Variants in XPO6 observed in about 807,000 individuals in gnomAD.
The protein encoded by XPO6 is exportin 6.
Under a neutral mutation model 130.0 loss-of-function variants are expected in XPO6, and 3 were observed. The ratio of observed to expected loss-of-function variants is 0.02; its 90% CI spans 0.01 to 0.06. The LOEUF (loss-of-function observed/expected upper bound fraction) is 0.06, where lower values mean the gene tolerates loss of function less well. XPO6 is among the 10% of genes least tolerant of loss of function. The pLI is 1.00. For missense variants in XPO6, 970 were observed against 1,393.0 expected, an observed-to-expected ratio of 0.70 and a Z score of 4.83; for synonymous variants, 524 against 548.9, an observed-to-expected ratio of 0.95 and a Z score of 0.63.
intron 1 of XPO6, among the ~76,000 whole-genome samples, chr16:28,184,458 T>C (rs560728064): frequency 1.3e-5 from 2 of 151,852 alleles, no homozygotes; most frequent in East Asian, 1.9e-4. Context: ...CCACTAACCA[T>C]AAAGGAAAAG....
intron 1 of XPO6, among the ~76,000 whole-genome samples, chr16:28,207,378 C>T (rs1378641911): frequency 2.0e-5 from 3 of 152,054 alleles, no homozygotes; most frequent in African/African-American, 4.8e-5. Flanking sequence ...TATTAAGCAA[C>T]AGCTCGCTCA....
intron 5 of XPO6, chr16:28,167,403 G>A (rs2043373814): frequency 1.0e-6 from 1 of 984,214 alleles, no homozygotes; most frequent in South Asian, 4.7e-5. Context: ...CCAGGCTTCA[G>A]CTCACCCGAC....
At chr16:28,160,052 G>A (rs1038227818) in intron 6 of XPO6, among the ~76,000 whole-genome samples, 1 of 151,562 alleles carries the variant, frequency 6.6e-6, no homozygotes, top group African/African-American at 2.4e-5. Flanking sequence ...GGGCGTGGTG[G>A]TGCGTGCCTA....
At chr16:28,103,737 C>A (rs1429556560) in intron 21 of XPO6, among the ~76,000 whole-genome samples, 1 of 152,080 alleles carries the variant, frequency 6.6e-6, no homozygotes, top group African/African-American at 2.4e-5. Flanking sequence ...AAGGCCAGGG[C>A]AAGGGCACGT....
rs536288606 is a variant in XPO6, at chr16:28,161,535, G to A, written c.643+4973C>T. 6.6e-5 allele frequency among the ~76,000 whole-genome samples: 10 copies of A among 152,104 alleles called. No individual in the cohort carries two copies. The East Asian group carries it at 1.7e-3, about 26-fold the overall frequency. ...GATTTAAAAGCTGTCCCTAGCATGT[G>A]GCTCAGAAGACTTTTTCCAGAATGG... On this transcript the variant is annotated intron_variant, in intron 6 of 23. Transcript: ENST00000304658.
In XPO6 at chr16:28,211,711, C is replaced by T. The variant is rs2044136776; in HGVS notation, c.-343G>A. ...GGGAGGCTGCGGGCCCAGGCAGGGG[C>T]TCCCCGGCCTCCGCGGGCAGAGGTG... On this transcript the variant is annotated 5_prime_UTR_variant, in exon 1 of 24. Coordinates refer to ENST00000304658, the MANE Select transcript of XPO6 (RefSeq NM_015171.4). 2.6e-6 allele frequency: 1 copy of T among 379,490 alleles called. No individual in the cohort carries two copies. Among genetic ancestry groups the T allele is most frequent in the African/African-American group, 2.1e-5 (1 of 47,794 alleles). 23.5% of individuals were successfully genotyped at this position (379,490 alleles called of 1,614,324 possible).
chr16:28,169,761 C>G lies in XPO6; in HGVS notation c.554G>C (p.Gly185Ala). The change falls in exon 5 of 24, where the codon GGG (glycine) becomes GCG (alanine). Residue 185 changes from glycine (G) to alanine (A), a missense_variant. Physicochemically the swap from Gly to Ala is moderately conservative, Grantham distance 60. Coordinates refer to ENST00000304658, the MANE Select transcript of XPO6 (RefSeq NM_015171.4). ...ACCATACTGCTCACCTGTCAGTAGC[C>G]CAAGCACTGTCTGCACCTGGTCCAG... ...LLLDQVQTVLGLLTGILETVW... is the reference protein window; with the variant it reads ...LLLDQVQTVLALLTGILETVW... 6.2e-7 allele frequency: 1 copy of G among 1,613,920 alleles called. No individual in the cohort carries two copies. The highest frequency in any genetic ancestry group is 8.5e-7 in the Non-Finnish European group (1 of 1,179,932).
rs569757630 is a variant in XPO6, at chr16:28,156,431, G to A, written c.740C>T (p.Ser247Phe). 3.7e-6 allele frequency: 6 copies of A among 1,613,958 alleles called. No individual in the cohort carries two copies. In the South Asian group the frequency reaches 4.4e-5, roughly 12 times the overall value. ...ILDVESEYIC[S>F]LALECLAHLF... The stretch of plus-strand genomic sequence containing the variant: ...ATGGGCCAGGCACTCCAAAGCCAGG[G>A]AACAGATATACTCACTCTCCACATC... Residue 247 changes from serine (S) to phenylalanine (F), a missense_variant, in exon 7 of 24, where the codon TCC becomes TTC. Around this residue, in one of 4 missense-constraint regions of XPO6, gnomAD observed 936 missense variants for 1,306.8 expected, o/e 0.72. Coordinates refer to ENST00000304658, the MANE Select transcript of XPO6 (RefSeq NM_015171.4).
At position 28,132,486 on chromosome 16, in the gene XPO6, A is replaced by T; in HGVS notation, c.1537-83T>A. ...AGCATTTTAACATTACAACATTAACACGTAACTATGGTGTGAGGAACAGGA... is the reference window on the plus strand; with the variant it reads ...AGCATTTTAACATTACAACATTAACTCGTAACTATGGTGTGAGGAACAGGA... On this transcript the variant is annotated intron_variant, in intron 11 of 23. Transcript: ENST00000304658. This position sits in a 1 kb window ranked among gnomAD's most constrained non-coding sequence, Gnocchi z 4.0. 1.1e-6 allele frequency: 1 copy of T among 904,756 alleles called. No homozygotes were observed. The highest frequency in any genetic ancestry group is 1.7e-6 in the Non-Finnish European group (1 of 579,842). The allele number at this position is 904,756 out of a possible 1,614,324, so 56.0% of individuals were successfully genotyped here.
chr16:28,173,298 G>A (rs2043484030), intron 4 of XPO6, among the ~76,000 whole-genome samples: 1 of 152,278 alleles, frequency 6.6e-6, no homozygotes, highest in East Asian at 1.9e-4. Context: ...TTCTTGACAA[G>A]GCTTATATGC....
chr16:28,192,022 G>A (rs2043794508), intron 1 of XPO6, among the ~76,000 whole-genome samples: 1 of 152,182 alleles, frequency 6.6e-6, no homozygotes, highest in African/African-American at 2.4e-5. Context: ...CACTGTGGGA[G>A]GCTGAGGCAG....
intron 7 of XPO6, chr16:28,153,574 G>A (rs979075110): frequency 1.5e-5 from 15 of 985,240 alleles, no homozygotes; most frequent in Middle Eastern, 5.2e-4. Context: ...GGTCACAGCT[G>A]CAAGGATAAG....
At chr16:28,125,890 C>A in intron 12 of XPO6, 42 bp from the exon 13 acceptor site, 1 of 1,594,616 alleles carries the variant, frequency 6.3e-7, no homozygotes, top group South Asian at 1.1e-5. Flanking sequence ...AGGAAGACCA[C>A]GCTTTAGATA....
At chr16:28,174,321 C>T (rs1243302437) in intron 4 of XPO6, among the ~76,000 whole-genome samples, 1 of 152,154 alleles carries the variant, frequency 6.6e-6, no homozygotes, top group African/African-American at 2.4e-5. Context: ...CCCAGAAAAG[C>T]CTTCTACGAG....
intron 1 of XPO6, among the ~76,000 whole-genome samples, chr16:28,209,731 A>G (rs556796898): frequency 2.6e-5 from 4 of 152,198 alleles, no homozygotes; most frequent in Non-Finnish European, 4.4e-5. Context: ...TATACCTCAT[A>G]CCTCTAGATT....
chr16:28,099,101 G>A (rs1025005247), intron 23 of XPO6, among the ~76,000 whole-genome samples: 18 of 152,280 alleles, frequency 1.2e-4, no homozygotes, highest in East Asian at 7.7e-4. Flanking sequence ...TTGAGGTGAC[G>A]CGCACACCGA....
intron 15 of XPO6, among the ~76,000 whole-genome samples, chr16:28,114,608 T>C (rs2087008647): frequency 1.3e-5 from 2 of 152,230 alleles, no homozygotes; most frequent in Non-Finnish European, 2.9e-5. Flanking sequence ...GGTAATCTTT[T>C]TGCTGGTGAA....
At chr16:28,129,509 C>T (rs1203000961) in intron 12 of XPO6, among the ~76,000 whole-genome samples, 3 of 151,750 alleles carry the variant, frequency 2.0e-5, no homozygotes, top group African/African-American at 7.3e-5. Flanking sequence ...CACAAAAGTC[C>T]TATCTTCCAC....
intron 8 of XPO6, among the ~76,000 whole-genome samples, chr16:28,150,940 T>A (rs1378463530): frequency 6.6e-6 from 1 of 152,152 alleles, no homozygotes; most frequent in Non-Finnish European, 1.5e-5. Flanking sequence ...CCTCATGCTC[T>A]GCACGCACTT....
Sources: allele counts gnomAD v4.1 joint callset (sites outside exome capture counted in the v4.1 genomes callset), GRCh38; gene constraint gnomAD v4.1.1; regional missense constraint gnomAD v4.1.1; non-coding constraint Gnocchi (gnomAD v3.1); transcripts MANE v1.5; gene names NCBI Gene and HGNC (gene_info 2026-07-23, HGNC 2026-07-21).